The following PDE4D variants were observed in gnomAD, a reference collection of about 807,000 sequenced individuals.
PDE4D encodes the protein 3',5'-cyclic-AMP phosphodiesterase 4D.
A neutral mutation model predicts 87.4 loss-of-function variants in PDE4D; 24 were observed. The observed-to-expected ratio is 0.27, with a 90% CI of 0.20 to 0.39. The LOEUF (loss-of-function observed/expected upper bound fraction) is 0.39. Among genes scored for constraint, PDE4D ranks in the 10% least tolerant of loss-of-function variants. The pLI, the probability that PDE4D is intolerant of heterozygous loss-of-function variation, is 1.00. For missense variants in PDE4D, 714 were observed against 1,041.0 expected, an observed-to-expected ratio of 0.69 and a Z score of 4.32; for synonymous variants, 384 against 383.2, an observed-to-expected ratio of 1.00 and a Z score of -0.02.
chr5:59,618,820 G>T (rs536441106), intron 1 of PDE4D, among the ~76,000 whole-genome samples: 1 of 152,100 alleles, frequency 6.6e-6, no homozygotes, highest in African/African-American at 2.4e-5. Context: ...CCACCCTCAT[G>T]GGAGGCATTG....
At chr5:60,285,035 G>A (rs950547034) in intron 1 of PDE4D, among the ~76,000 whole-genome samples, 3 of 151,990 alleles carry the variant, frequency 2.0e-5, no homozygotes, top group African/African-American at 7.3e-5. Context: ...CACTTGAGAA[G>A]CAATCTAAGA....
chr5:59,650,618 T>C (rs1380381842), intron 1 of PDE4D, among the ~76,000 whole-genome samples: 2 of 152,190 alleles, frequency 1.3e-5, no homozygotes, highest in African/African-American at 4.8e-5. Flanking sequence ...CTTCCAAGTC[T>C]TATTAAAAAA....
Position 59,193,522 on chromosome 5 carries a change from A to G in PDE4D, c.662T>C (p.Leu221Ser), listed in dbSNP as rs1744780007. ...TACCTGAGCAAATGGAGTCACAATC[A>G]AGTCATCTCCGTGTCTGAAAAATAA... is the stretch of plus-strand genomic sequence containing the variant. ...SIASDIHGDD[L>S]IVTPFAQVLA... Residue 221 changes from leucine (L) to serine (S), a missense_variant, in exon 3 of 15, where the codon TTG becomes TCG. Coordinates refer to ENST00000340635, the MANE Select transcript of PDE4D (RefSeq NM_001104631.2). 1 of 1,613,632 alleles carries G rather than the reference A, an allele frequency of 6.2e-7. No individual in the cohort carries two copies. The highest frequency in any genetic ancestry group is 8.5e-7 in the Non-Finnish European group (1 of 1,179,780).
At chr5:59,417,712 T>A (rs1466737588) in intron 1 of PDE4D, among the ~76,000 whole-genome samples, 1 of 152,220 alleles carries the variant, frequency 6.6e-6, no homozygotes, top group African/African-American at 2.4e-5. Context: ...TATGTAGTTC[T>A]ATCCACAGCC....
rs546015094 is a variant in PDE4D, at chr5:59,861,916, C to A, written c.455+31252G>T. On this transcript the variant is annotated intron_variant, in intron 1 of 14. Transcript: ENST00000340635. The stretch of plus-strand genomic sequence containing the variant: ...AAAGAAAACAACAGCTGGCAAAGGC[C>A]TGAGTAGGGCCAGCCTTAGGCAAAT... Among the ~76,000 whole-genome samples the A allele has an allele frequency of 8.5e-5, 13 of 152,324 alleles. No individual in the cohort carries two copies. The South Asian group carries it at 2.1e-3, about 24-fold the overall frequency.
At position 59,575,572 on chromosome 5, in the gene PDE4D, A is replaced by G. The variant is rs537377556; in HGVS notation, c.455+317596T>C. ...CAGTTAAACTCTCCCAAGTGACAGA[A>G]ATCAAGATATGTGGGAATTATTTAT... is the stretch of plus-strand genomic sequence containing the variant. On this transcript the variant is annotated intron_variant, in intron 1 of 14. Coordinates refer to ENST00000340635, the MANE Select transcript of PDE4D (RefSeq NM_001104631.2). Among the ~76,000 whole-genome samples, 7 of 152,274 alleles carry G rather than the reference A, an allele frequency of 4.6e-5. 1 individual carries two copies. The East Asian group carries it at 7.7e-4, about 17-fold the overall frequency.
chr5:60,311,216 T>G (rs748728358), intron 1 of PDE4D, among the ~76,000 whole-genome samples: 4 of 152,162 alleles, frequency 2.6e-5, no homozygotes, highest in African/African-American at 7.2e-5. Flanking sequence ...GAGACGGGGT[T>G]TCTCCATGTT....
intron 1 of PDE4D, among the ~76,000 whole-genome samples, chr5:59,475,830 T>C (rs1803218577): frequency 1.3e-5 from 2 of 152,026 alleles, no homozygotes; most frequent in South Asian, 4.2e-4. Flanking sequence ...TGACTACTCA[T>C]GGCAAAAAGG....
intron 2 of PDE4D, among the ~76,000 whole-genome samples, chr5:59,195,309 C>T (rs1162671567): frequency 6.6e-6 from 1 of 152,176 alleles, no homozygotes; most frequent in East Asian, 1.9e-4. Flanking sequence ...CAGAAAGGCT[C>T]TTTCCTAGAA....
chr5:59,739,576 C>T (rs114227529), intron 1 of PDE4D, among the ~76,000 whole-genome samples: 16 of 152,288 alleles, frequency 1.1e-4, no homozygotes, highest in Non-Finnish European at 1.6e-4. Context: ...TTTTATCCAA[C>T]ATATTAATTT....
chr5:59,124,175 A>C (rs553327955), intron 5 of PDE4D, among the ~76,000 whole-genome samples: 11 of 152,130 alleles, frequency 7.2e-5, no homozygotes, highest in Non-Finnish European at 1.6e-4. Context: ...CTTACTTATA[A>C]ACTGAGGGAG....
intron 1 of PDE4D, among the ~76,000 whole-genome samples, chr5:59,343,713 T>C (rs972872604): frequency 1.3e-5 from 2 of 152,196 alleles, no homozygotes; most frequent in African/African-American, 4.8e-5. Context: ...GGCACATATC[T>C]TGGATCATTT....
intron 1 of PDE4D, among the ~76,000 whole-genome samples, chr5:59,340,430 TG>T (rs2153581497): frequency 6.6e-6 from 1 of 152,290 alleles, no homozygotes; most frequent in South Asian, 2.1e-4. Flanking sequence ...GGTATATTTA[TG>T]GGGTACATGA....
At chr5:59,014,431 TAAAC>T (rs1269211648) in intron 6 of PDE4D, among the ~76,000 whole-genome samples, 2 of 152,132 alleles carry the variant, frequency 1.3e-5, no homozygotes, top group African/African-American at 4.8e-5. Flanking sequence ...CTTAAGCTGA[TAAAC>T]AACTTCAGCA....
intron 1 of PDE4D, among the ~76,000 whole-genome samples, chr5:59,459,748 G>C (rs375076904): frequency 6.6e-6 from 1 of 152,106 alleles, no homozygotes; most frequent in African/African-American, 2.4e-5. Flanking sequence ...TTTTAGTTAC[G>C]GAAGGAAGCT....
At chr5:59,792,994 G>C (rs1193997293) in intron 1 of PDE4D, among the ~76,000 whole-genome samples, 1 of 152,228 alleles carries the variant, frequency 6.6e-6, no homozygotes, top group Non-Finnish European at 1.5e-5. Context: ...GGAGGATGCT[G>C]ATATGCAGGG....
intron 1 of PDE4D, among the ~76,000 whole-genome samples, chr5:59,221,737 C>A (rs529357055): frequency 1.3e-5 from 2 of 152,214 alleles, no homozygotes; most frequent in South Asian, 4.1e-4. Flanking sequence ...TTTGCTGTAA[C>A]CCATTTGGCG....
chr5:60,476,721 C>T (rs1224172390), intron 1 of PDE4D, among the ~76,000 whole-genome samples: 4 of 152,168 alleles, frequency 2.6e-5, no homozygotes, highest in Non-Finnish European at 5.9e-5. Context: ...GCGTGCAGCA[C>T]ACTTTGCCCA....
intron 1 of PDE4D, among the ~76,000 whole-genome samples, chr5:60,309,933 G>A (rs999384834): frequency 3.3e-5 from 5 of 152,160 alleles, no homozygotes. Flanking sequence ...GAAATCCTTG[G>A]TGTTTTATTT....
Sources: gnomAD v4.1 joint callset for allele counts (sites outside exome capture counted in the v4.1 genomes callset) on GRCh38, gnomAD v4.1.1 for gene constraint, MANE v1.5 for transcripts, NCBI Gene and HGNC (gene_info 2026-07-23, HGNC 2026-07-21) for gene names.